Variants in CDH13 observed in about 807,000 individuals in gnomAD.
CDH13 encodes the protein cadherin 13.
Under a neutral mutation model 63.8 loss-of-function variants are expected in CDH13, and 24 were observed. That is an observed-to-expected ratio of 0.38 (90% CI 0.27 to 0.53). The LOEUF (loss-of-function observed/expected upper bound fraction) is 0.53. Among genes scored for constraint, CDH13 ranks in the 20% least tolerant of loss-of-function variants. The pLI is 0.85. For missense variants in CDH13, 1,049 were observed against 903.1 expected (o/e 1.16, Z -2.07); for synonymous variants, 503 against 355.3 (o/e 1.42, Z -4.67).
At chr16:82,675,555 C>T (rs922163870) in intron 1 of CDH13, among the ~76,000 whole-genome samples, 6 of 152,162 alleles carry the variant, frequency 3.9e-5, no homozygotes, top group East Asian at 1.9e-4. Flanking sequence ...CATGAAGTCA[C>T]GTTTGCCTCA....
At chr16:83,286,678 C>T (rs932875055) in intron 5 of CDH13, among the ~76,000 whole-genome samples, 1 of 151,258 alleles carries the variant, frequency 6.6e-6, no homozygotes, top group Non-Finnish European at 1.5e-5. Flanking sequence ...ATTACCTGAA[C>T]CTGGGAGGTG....
chr16:83,395,937 G>T (rs1025306425), intron 6 of CDH13, among the ~76,000 whole-genome samples: 8 of 152,068 alleles, frequency 5.3e-5, no homozygotes, highest in African/African-American at 1.9e-4. Context: ...TATTTTTCCT[G>T]ATCCTCTCCC....
intron 1 of CDH13, among the ~76,000 whole-genome samples, chr16:82,752,491 C>G (rs1567499743): frequency 6.6e-6 from 1 of 152,224 alleles, no homozygotes; most frequent in Non-Finnish European, 1.5e-5. Flanking sequence ...GATGCCTGTA[C>G]AGTTCTTGAT....
intron 5 of CDH13, among the ~76,000 whole-genome samples, chr16:83,266,362 C>A (rs1053881658): frequency 2.0e-5 from 3 of 152,264 alleles, no homozygotes; most frequent in Middle Eastern, 3.4e-3. Context: ...GATATATGGT[C>A]CACTTTAATT....
At chr16:83,171,183 G>A (rs971683247) in intron 4 of CDH13, among the ~76,000 whole-genome samples, 1 of 152,148 alleles carries the variant, frequency 6.6e-6, no homozygotes. Flanking sequence ...AGGCAAAGGG[G>A]AAGCAGGCAC....
Position 83,149,307 on chromosome 16 carries a change from C to G in CDH13, c.483+23806C>G, listed in dbSNP as rs147778898. 3.9e-5 allele frequency among the ~76,000 whole-genome samples: 6 copies of G among 152,170 alleles called. No homozygotes were observed. The East Asian group carries it at 1.2e-3, about 29-fold the overall frequency. ...AAAGCAGAGAATACACATTTATACT[C>G]ATTTGATCAGGAAGCATAAGGAAGC... On this transcript the variant is annotated intron_variant, in intron 4 of 13. Transcript: ENST00000567109.
chr16:83,770,329 A>C (rs7194149), intron 11 of CDH13, among the ~76,000 whole-genome samples: 40,914 of 152,064 alleles, frequency 0.27, 6,085 homozygotes, highest in Middle Eastern at 0.36. Flanking sequence ...ATGGACGGGG[A>C]AGTGCTTTAC....
chr16:83,782,697 C>G (rs988971547), intron 12 of CDH13, among the ~76,000 whole-genome samples: 4 of 149,680 alleles, frequency 2.7e-5, no homozygotes, highest in African/African-American at 9.9e-5. Context: ...GATTGCACCA[C>G]TGCACTCCAG....
chr16:83,701,335 G>A (rs1049686423), intron 10 of CDH13, among the ~76,000 whole-genome samples: 12 of 152,158 alleles, frequency 7.9e-5, no homozygotes, highest in South Asian at 2.1e-4. Context: ...TGGATGCAGC[G>A]CTCCCAATTC....
chr16:83,744,350 C>T (rs771825023), intron 10 of CDH13, among the ~76,000 whole-genome samples: 1 of 152,182 alleles, frequency 6.6e-6, no homozygotes, highest in Non-Finnish European at 1.5e-5. Flanking sequence ...GGTCTTGAAA[C>T]AGTAAAAATT....
At chr16:83,690,458 C>T (rs1009697427) in intron 10 of CDH13, among the ~76,000 whole-genome samples, 1 of 152,006 alleles carries the variant, frequency 6.6e-6, no homozygotes, top group Non-Finnish European at 1.5e-5. Context: ...GGGAAGGCCC[C>T]GAGGCAGAGT....
chr16:83,153,847 T>C (rs996884124), intron 4 of CDH13, among the ~76,000 whole-genome samples: 6 of 152,184 alleles, frequency 3.9e-5, no homozygotes, highest in African/African-American at 1.4e-4. Context: ...CCTAGGAAAC[T>C]AATACAATGG....
rs1170475686 is a variant in CDH13 at position 83,105,215 on chromosome 16, A to G, written c.367-20170A>G. 3.9e-5 allele frequency among the ~76,000 whole-genome samples: 6 copies of G among 152,318 alleles called. No homozygotes were observed. The East Asian group carries it at 1.2e-3, about 29-fold the overall frequency. On this transcript the variant is annotated intron_variant, in intron 3 of 13. Coordinates refer to ENST00000567109, the MANE Select transcript of CDH13 (RefSeq NM_001257.5). ...GCCTGCTTTCCCCAGGATCACCGTA[A>G]GATTCTACCTGAGGAGCTGAGTTTT...
Position 83,781,786 on chromosome 16 carries a change from G to C in CDH13, c.1916-1468G>C, listed in dbSNP as rs915305836. 3.3e-5 allele frequency among the ~76,000 whole-genome samples: 5 copies of C among 151,510 alleles called. No homozygotes were observed. In the South Asian group the frequency reaches 1.0e-3, roughly 32 times the overall value. The stretch of plus-strand genomic sequence containing the variant: ...TTTCTTTTTTGGGGGCGTGCAGAGG[G>C]GGGTGAGCATCAGGATAAATAGCCA... On this transcript the variant is annotated intron_variant, in intron 12 of 13. Coordinates refer to ENST00000567109, the MANE Select transcript of CDH13 (RefSeq NM_001257.5).
chr16:83,626,817 C>T (rs543561639), intron 8 of CDH13, among the ~76,000 whole-genome samples: 2 of 152,272 alleles, frequency 1.3e-5, no homozygotes, highest in Admixed American at 1.3e-4. Context: ...CTGAATCCCA[C>T]ACAGACTCCC....
At chr16:83,354,243 C>T (rs946628831) in intron 6 of CDH13, among the ~76,000 whole-genome samples, 1 of 152,196 alleles carries the variant, frequency 6.6e-6, no homozygotes, top group South Asian at 2.1e-4. Flanking sequence ...ACCAAAGGAT[C>T]CACTGTGAAT....
chr16:82,925,009 T>G (rs1209680993), intron 2 of CDH13, among the ~76,000 whole-genome samples: 1 of 152,240 alleles, frequency 6.6e-6, no homozygotes, highest in Non-Finnish European at 1.5e-5. Flanking sequence ...ATACTCTGAT[T>G]ACTGAAGTGG....
At chr16:83,023,775 G>A (rs1242606726) in intron 2 of CDH13, among the ~76,000 whole-genome samples, 13 of 152,156 alleles carry the variant, frequency 8.5e-5, no homozygotes. Context: ...ACACAATGCA[G>A]GGCTGATGTC....
At chr16:83,046,292 G>T (rs946016925) in intron 3 of CDH13, among the ~76,000 whole-genome samples, 7 of 152,208 alleles carry the variant, frequency 4.6e-5, no homozygotes, top group African/African-American at 1.7e-4. Flanking sequence ...TCTTAATTAG[G>T]TAGGAAGTAG....
Sources: gnomAD v4.1 joint callset for allele counts (sites outside exome capture counted in the v4.1 genomes callset) on GRCh38, gnomAD v4.1.1 for gene constraint, MANE v1.5 for transcripts, NCBI Gene and HGNC (gene_info 2026-07-23, HGNC 2026-07-21) for gene names.